Variants in INVS observed in about 807,000 individuals in gnomAD.
INVS encodes inversion of embryo turning homolog.
A neutral mutation model predicts 108.8 loss-of-function variants in INVS; 86 were observed. That is an observed-to-expected ratio of 0.79 (90% confidence interval 0.66 to 0.95). INVS has a LOEUF of 0.95. Ranked by LOEUF, INVS falls within the 40% of genes least tolerant of loss-of-function variation. INVS has a pLI of 0.00. For synonymous variants in INVS, 455 were observed against 473.5 expected (o/e 0.96, Z 0.51); for missense variants, 1,169 against 1,297.4 (o/e 0.90, Z 1.52).
chr9:100,144,744 G>A (rs967615610), intron 3 of INVS, among the ~76,000 whole-genome samples: 26 of 152,008 alleles, frequency 1.7e-4, no homozygotes, highest in South Asian at 4.2e-4. Flanking sequence ...GACTTAGCTC[G>A]GCCTGGCGAC....
At chr9:100,219,331 G>T (rs542414091) in intron 3 of INVS, among the ~76,000 whole-genome samples, 1 of 152,316 alleles carries the variant, frequency 6.6e-6, no homozygotes, top group South Asian at 2.1e-4. Context: ...TGTAGGCCAG[G>T]CACAGTGGTG....
intron 3 of INVS, among the ~76,000 whole-genome samples, chr9:100,133,849 T>C (rs890704565): frequency 6.8e-6 from 1 of 147,610 alleles, no homozygotes; most frequent in Non-Finnish European, 1.5e-5. Flanking sequence ...GCCCCGGTAA[T>C]ACCTAAGAAA....
intron 3 of INVS, among the ~76,000 whole-genome samples, chr9:100,169,301 C>T (rs1232200566): frequency 6.6e-6 from 1 of 152,172 alleles, no homozygotes; most frequent in Non-Finnish European, 1.5e-5. Context: ...ATGTCCAACT[C>T]AGTCCCAAAA....
chr9:100,251,974 A>G (rs1167632703), intron 8 of INVS, among the ~76,000 whole-genome samples: 1 of 152,208 alleles, frequency 6.6e-6, no homozygotes, highest in Non-Finnish European at 1.5e-5. Context: ...AAAGAGAAAA[A>G]GAGAAAACTA....
intron 3 of INVS, among the ~76,000 whole-genome samples, chr9:100,174,939 T>C (rs930038363): frequency 4.6e-5 from 7 of 151,726 alleles, no homozygotes; most frequent in African/African-American, 1.7e-4. Flanking sequence ...CACCTGAAAA[T>C]ACCATAATCA....
chr9:100,302,125 C>T lies in INVS; in HGVS notation c.*1451C>T. 1.1e-6 allele frequency: 1 copy of T among 928,300 alleles called. No homozygotes were observed. Among genetic ancestry groups the T allele is most frequent in the Admixed American group, 2.4e-5 (1 of 41,212 alleles). The allele number at this position is 928,300 out of a possible 1,614,324, so 57.5% of individuals were successfully genotyped here. The stretch of plus-strand genomic sequence containing the variant: ...CTTTAATGACAAAGATCTATTACAT[C>T]AGTCTTTTTCTTCAAATAAGATAGA... On this transcript the variant is annotated 3_prime_UTR_variant, in exon 17 of 17. Transcript: ENST00000262457.
intron 3 of INVS, among the ~76,000 whole-genome samples, chr9:100,176,938 C>T (rs1829731938): frequency 6.6e-6 from 1 of 151,216 alleles, no homozygotes; most frequent in Non-Finnish European, 1.5e-5. Context: ...ATCACAATGA[C>T]ATCAGTACTA....
At chr9:100,234,764 T>A (rs1454814543) in intron 5 of INVS, among the ~76,000 whole-genome samples, 3 of 152,212 alleles carry the variant, frequency 2.0e-5, no homozygotes, top group Non-Finnish European at 4.4e-5. Flanking sequence ...TTACATTTGC[T>A]GAGGAGGTTT....
chr9:100,173,048 G>T (rs1337807681), intron 3 of INVS, among the ~76,000 whole-genome samples: 2 of 152,140 alleles, frequency 1.3e-5, no homozygotes, highest in African/African-American at 4.8e-5. Context: ...GGATGAAGAT[G>T]ATTGAGATGG....
intron 8 of INVS, among the ~76,000 whole-genome samples, chr9:100,250,569 C>T (rs766036132): frequency 1.5e-4 from 23 of 152,102 alleles, no homozygotes; most frequent in Non-Finnish European, 3.1e-4. Flanking sequence ...GATTCCCAGG[C>T]TATATGGACA....
intron 16 of INVS, 200 bp downstream of exon 16, chr9:100,298,210 G>C: frequency 6.8e-7 from 1 of 1,480,386 alleles, no homozygotes; most frequent in Non-Finnish European, 8.9e-7. Flanking sequence ...AGCTATTATT[G>C]TTAACATTAA....
intron 3 of INVS, among the ~76,000 whole-genome samples, chr9:100,206,154 T>C (rs2118265161): frequency 6.6e-6 from 1 of 152,240 alleles, no homozygotes; most frequent in African/African-American, 2.4e-5. Flanking sequence ...AAGTAAGGCA[T>C]GAGTAGGGAG....
chr9:100,220,416 A>G (rs1831109669), intron 3 of INVS, among the ~76,000 whole-genome samples: 1 of 152,200 alleles, frequency 6.6e-6, no homozygotes, highest in African/African-American at 2.4e-5. Context: ...TCACTGTTTC[A>G]GAGATATTGG....
At chr9:100,135,962 T>G (rs897782944) in intron 3 of INVS, among the ~76,000 whole-genome samples, 12 of 151,840 alleles carry the variant, frequency 7.9e-5, no homozygotes, top group African/African-American at 2.9e-4. Context: ...CAGAGTGGTG[T>G]TATGGAGCCA....
intron 3 of INVS, among the ~76,000 whole-genome samples, chr9:100,172,936 T>C (rs1829588377): frequency 6.6e-6 from 1 of 152,088 alleles, no homozygotes; most frequent in African/African-American, 2.4e-5. Context: ...AATCACTAGA[T>C]ACCAAGTCCC....
chr9:100,268,067 G>A (rs776190105), intron 11 of INVS, among the ~76,000 whole-genome samples: 1 of 152,060 alleles, frequency 6.6e-6, no homozygotes, highest in Admixed American at 6.6e-5. Context: ...TGGCTCTCTC[G>A]CAAGAAACAA....
chr9:100,173,074 C>T (rs570941302), intron 3 of INVS, among the ~76,000 whole-genome samples: 38 of 152,284 alleles, frequency 2.5e-4, no homozygotes, highest in African/African-American at 8.7e-4. Context: ...GTACTTCTCA[C>T]ATCATCAAGA....
At chr9:100,268,231 A>T (rs1428671892) in intron 11 of INVS, among the ~76,000 whole-genome samples, 2 of 152,060 alleles carry the variant, frequency 1.3e-5, no homozygotes, top group Admixed American at 6.6e-5. Context: ...ATACAGGATT[A>T]AAAAAAAGAT....
At chr9:100,227,587 G>A (rs1453588451) in intron 4 of INVS, among the ~76,000 whole-genome samples, 1 of 152,038 alleles carries the variant, frequency 6.6e-6, no homozygotes, top group African/African-American at 2.4e-5. Context: ...GAAATAAAGT[G>A]TGAACATTGT....
Sources: gnomAD v4.1 joint callset for allele counts (sites outside exome capture counted in the v4.1 genomes callset) on GRCh38, gnomAD v4.1.1 for gene constraint, MANE v1.5 for transcripts, NCBI Gene and HGNC (gene_info 2026-07-23, HGNC 2026-07-21) for gene names.